Variants in SFMBT2 observed in about 807,000 individuals in gnomAD.
SFMBT2 encodes scm-like with four MBT domains protein 2.
SFMBT2 carries 38 observed loss-of-function variants against 110.1 expected under a neutral mutation model. The ratio of observed to expected loss-of-function variants is 0.35; its 90% CI spans 0.27 to 0.45. SFMBT2 has a LOEUF of 0.45. Among genes scored for constraint, SFMBT2 ranks in the 20% least tolerant of loss-of-function variants. The pLI, the probability that SFMBT2 is intolerant of heterozygous loss-of-function variation, is 1.00. For missense variants in SFMBT2, 1,011 were observed against 1,094.9 expected, an observed-to-expected ratio of 0.92 and a Z score of 1.08; for synonymous variants, 425 against 425.4, an observed-to-expected ratio of 1.00 and a Z score of 0.01.
chr10:7,239,102 C>T (rs965165776), intron 9 of SFMBT2, among the ~76,000 whole-genome samples: 9 of 152,142 alleles, frequency 5.9e-5, no homozygotes, highest in African/African-American at 9.7e-5. Flanking sequence ...GTCAAAACAA[C>T]GCAATAAAAT....
rs551456279 is a variant in SFMBT2 at position 7,301,856 on chromosome 10, T to G, written c.437-15902A>C. Among the ~76,000 whole-genome samples, 2 of 152,096 alleles carry G rather than the reference T, an allele frequency of 1.3e-5. No individual in the cohort carries two copies. Among genetic ancestry groups the G allele is most frequent in the East Asian group, 3.9e-4 (2 of 5,168 alleles). On this transcript the variant is annotated intron_variant, in intron 4 of 20. Transcript: ENST00000397167. The surrounding 1 kb of genome is among the most constrained non-coding windows in gnomAD (Gnocchi z 4.2). ...ACTATCGAAGGGGAAAAAAAACCACTGGTGTAGAATTTTTTAAAAAACCGT... is the reference window on the plus strand; with the variant it reads ...ACTATCGAAGGGGAAAAAAAACCACGGGTGTAGAATTTTTTAAAAAACCGT...
chr10:7,238,805 CA>C (rs1840341999), intron 9 of SFMBT2, among the ~76,000 whole-genome samples: 1 of 152,172 alleles, frequency 6.6e-6, no homozygotes, highest in South Asian at 2.1e-4. Flanking sequence ...TGATGTGACA[CA>C]AGAAAGGTTA....
chr10:7,369,254 G>A (rs535642022), intron 3 of SFMBT2, among the ~76,000 whole-genome samples: 29 of 152,330 alleles, frequency 1.9e-4, no homozygotes, highest in Middle Eastern at 3.4e-3. Context: ...AAAGTGCCCC[G>A]ATTTACTGAT....
intron 4 of SFMBT2, among the ~76,000 whole-genome samples, chr10:7,353,255 A>G (rs1399488958): frequency 1.3e-5 from 2 of 152,162 alleles, no homozygotes; most frequent in Non-Finnish European, 2.9e-5. Flanking sequence ...TGTTTCCATT[A>G]CTATGTCAAC....
intron 4 of SFMBT2, among the ~76,000 whole-genome samples, chr10:7,300,819 G>C (rs1842536851): frequency 6.6e-6 from 1 of 152,192 alleles, no homozygotes; most frequent in Admixed American, 6.5e-5. Context: ...AAGGTTAAAT[G>C]ACTTTCTGTA....
At chr10:7,176,967 G>C (rs1435858394) in intron 16 of SFMBT2, among the ~76,000 whole-genome samples, 4 of 152,150 alleles carry the variant, frequency 2.6e-5, no homozygotes, top group Non-Finnish European at 5.9e-5. Context: ...AAATGGTAAT[G>C]CCGCTTGCCA....
chr10:7,262,277 T>C (rs1564410429), intron 7 of SFMBT2, among the ~76,000 whole-genome samples: 1 of 152,222 alleles, frequency 6.6e-6, no homozygotes, highest in Non-Finnish European at 1.5e-5. Context: ...CAAACAATTT[T>C]ACCGTGGCTT....
intron 9 of SFMBT2, among the ~76,000 whole-genome samples, chr10:7,229,689 A>T (rs12360139): frequency 0.24 from 36,677 of 150,618 alleles, 4,835 homozygotes; most frequent in South Asian, 0.38. Context: ...ATTATTTTCA[A>T]TAAGCAATCT....
intron 12 of SFMBT2, chr10:7,202,791 A>C (rs1838999639): frequency 2.0e-6 from 2 of 985,368 alleles, no homozygotes; most frequent in Non-Finnish European, 2.4e-6. Context: ...CATTTAAGAA[A>C]GCAAAAGAGT....
intron 4 of SFMBT2, among the ~76,000 whole-genome samples, chr10:7,340,346 A>G (rs944371552): frequency 2.0e-5 from 3 of 152,114 alleles, no homozygotes; most frequent in Non-Finnish European, 4.4e-5. Flanking sequence ...AGAGGCAAAG[A>G]AAAGCCACGT....
intron 4 of SFMBT2, among the ~76,000 whole-genome samples, chr10:7,329,019 T>A (rs1181489058): frequency 6.6e-6 from 1 of 152,250 alleles, no homozygotes; most frequent in African/African-American, 2.4e-5. Flanking sequence ...TGCCGGCTCC[T>A]GAATTCACAT....
intron 11 of SFMBT2, among the ~76,000 whole-genome samples, chr10:7,210,020 C>T (rs1839285665): frequency 6.6e-6 from 1 of 152,200 alleles, no homozygotes; most frequent in Admixed American, 6.5e-5. Context: ...ATTTCCGTTT[C>T]TAAGAGAACA....
At chr10:7,227,958 A>G in intron 9 of SFMBT2, 21 bp from the exon 10 acceptor site, 1 of 1,556,342 alleles carries the variant, frequency 6.4e-7, no homozygotes, top group Non-Finnish European at 8.6e-7. Context: ...CAAAACACAG[A>G]TAAAACAGCG....
At chr10:7,283,491 T>C (rs1664578713) in intron 6 of SFMBT2, among the ~76,000 whole-genome samples, 2 of 152,126 alleles carry the variant, frequency 1.3e-5, no homozygotes. Context: ...AATGGATAGA[T>C]GGGTGGATGA....
intron 15 of SFMBT2, 47 bp from the exon 16 acceptor site, chr10:7,188,780 C>G (rs1283379572): frequency 6.7e-7 from 1 of 1,483,902 alleles, no homozygotes; most frequent in Non-Finnish European, 9.4e-7. Flanking sequence ...TGCATTCATT[C>G]CTACTAACAC....
At chr10:7,409,477 G>C (rs1311762207) in intron 1 of SFMBT2, 1 of 152,144 alleles carries the variant, frequency 6.6e-6, no homozygotes, top group African/African-American at 2.4e-5. Flanking sequence ...CATTCGGGGT[G>C]GTTCTCTTTG....
intron 4 of SFMBT2, among the ~76,000 whole-genome samples, chr10:7,322,056 T>A (rs1843207390): frequency 6.6e-6 from 1 of 152,226 alleles, no homozygotes; most frequent in African/African-American, 2.4e-5. Context: ...ATTGTTTGGC[T>A]CTGTGTCCCC....
At chr10:7,219,320 T>C (rs749759694) in intron 11 of SFMBT2, among the ~76,000 whole-genome samples, 1 of 152,260 alleles carries the variant, frequency 6.6e-6, no homozygotes, top group African/African-American at 2.4e-5. Flanking sequence ...ATCAACTTTT[T>C]GGGAATTTCC....
chr10:7,354,968 C>A (rs1481187192), intron 4 of SFMBT2, among the ~76,000 whole-genome samples: 2 of 152,166 alleles, frequency 1.3e-5, no homozygotes, highest in South Asian at 2.1e-4. Flanking sequence ...ATGATTTTAT[C>A]TTTATCTATT....
Sources: allele counts gnomAD v4.1 joint callset (sites outside exome capture counted in the v4.1 genomes callset), GRCh38; gene constraint gnomAD v4.1.1; non-coding constraint Gnocchi (gnomAD v3.1); transcripts MANE v1.5; gene names NCBI Gene and HGNC (gene_info 2026-07-23, HGNC 2026-07-21).